GTF2B: variants seen among roughly 807,000 people sequenced by gnomAD.
GTF2B encodes general transcription factor IIB, also known as transcription initiation factor IIB.
In GTF2B, 20 loss-of-function variants were observed where a neutral mutation model predicts 34.6. That is an observed-to-expected ratio of 0.58 (90% CI 0.41 to 0.84). The LOEUF (loss-of-function observed/expected upper bound fraction) is 0.84, where lower values mean the gene tolerates loss of function less well. Ranked by LOEUF, GTF2B falls within the 40% of genes least tolerant of loss-of-function variation. The probability of loss-of-function intolerance (pLI) is 0.00; values close to 1 mark genes in which losing one functional copy is unlikely to be tolerated. For synonymous variants in GTF2B, 142 were observed against 132.4 expected (o/e 1.07, Z -0.50); for missense variants, 237 against 393.3 (o/e 0.60, Z 3.36).
chr1:88,879,473 A>G (rs888030862), intron 2 of GTF2B, among the ~76,000 whole-genome samples: 3 of 151,448 alleles, frequency 2.0e-5, no homozygotes, highest in African/African-American at 7.3e-5. Context: ...CCAGCTACTC[A>G]GGCAGGAGGC....
intron 3 of GTF2B, 89 bp from the exon 4 acceptor site, chr1:88,860,375 A>G: frequency 1.1e-6 from 1 of 883,120 alleles, no homozygotes; most frequent in Non-Finnish European, 1.8e-6. Context: ...ACAAGATCTG[A>G]TTCTACATAG....
chr1:88,867,339 T>C (rs377760572), intron 2 of GTF2B, among the ~76,000 whole-genome samples: 3 of 152,358 alleles, frequency 2.0e-5, no homozygotes, highest in South Asian at 2.1e-4. Context: ...TCATTAAATT[T>C]ATCATAAACA....
In GTF2B at chr1:88,853,127, A is replaced by T; in HGVS notation, c.*86T>A. On this transcript the variant is annotated 3_prime_UTR_variant, in exon 7 of 7. Coordinates refer to ENST00000370500, the MANE Select transcript of GTF2B (RefSeq NM_001514.6). ...CGTACCATGTCTTTTGTTTTTCCTCATGAAAGGCTCAACCCAGCATTTTGT... is the reference window on the plus strand; with the variant it reads ...CGTACCATGTCTTTTGTTTTTCCTCTTGAAAGGCTCAACCCAGCATTTTGT... 7.9e-7 allele frequency: 1 copy of T among 1,265,160 alleles called. No individual in the cohort carries two copies. Among genetic ancestry groups the T allele is most frequent in the Non-Finnish European group, 1.2e-6 (1 of 863,488 alleles). The allele number at this position is 1,265,160 out of a possible 1,614,324, so 78.4% of individuals were successfully genotyped here. A position where few individuals can be genotyped will look rare whatever the true frequency, so the allele number is the denominator to read the frequency against.
intron 1 of GTF2B, 136 bp downstream of exon 1, chr1:88,891,347 G>C (rs1674201509): frequency 3.2e-6 from 2 of 630,254 alleles, no homozygotes; most frequent in Admixed American, 6.0e-5. Flanking sequence ...CTTTGTCCCG[G>C]CCCGTCGGCC....
chr1:88,880,325 G>C (rs576945841), intron 2 of GTF2B, among the ~76,000 whole-genome samples: 7 of 152,140 alleles, frequency 4.6e-5, no homozygotes, highest in African/African-American at 7.2e-5. Context: ...TAGAATATTT[G>C]CCCACCTTGA....
At chr1:88,873,346 C>T (rs1673743714) in intron 2 of GTF2B, among the ~76,000 whole-genome samples, 2 of 151,904 alleles carry the variant, frequency 1.3e-5, no homozygotes, top group African/African-American at 4.8e-5. Flanking sequence ...CGCACCACCA[C>T]GCCAGGCTAA....
intron 2 of GTF2B, among the ~76,000 whole-genome samples, chr1:88,872,911 T>G (rs937143534): frequency 7.2e-5 from 11 of 152,234 alleles, no homozygotes; most frequent in African/African-American, 2.7e-4. Flanking sequence ...TTGGTTTCTG[T>G]AACTTTCTCT....
intron 3 of GTF2B, among the ~76,000 whole-genome samples, chr1:88,863,076 A>G (rs901221562): frequency 2.6e-5 from 4 of 152,204 alleles, no homozygotes; most frequent in Non-Finnish European, 5.9e-5. Context: ...CGGATAACAG[A>G]GTGAGAATCA....
chr1:88,878,872 C>A (rs116108590), intron 2 of GTF2B, among the ~76,000 whole-genome samples: 144 of 152,288 alleles, frequency 9.5e-4, no homozygotes, highest in African/African-American at 3.0e-3. Context: ...ATGACAGATC[C>A]ATGTGCGGAG....
chr1:88,875,803 C>T (rs1027932589), intron 2 of GTF2B, among the ~76,000 whole-genome samples: 6 of 152,286 alleles, frequency 3.9e-5, no homozygotes, highest in Middle Eastern at 6.8e-3. Context: ...TTACAGCATT[C>T]TCATCTTTCT....
intron 2 of GTF2B, among the ~76,000 whole-genome samples, chr1:88,871,408 A>C (rs1015546042): frequency 6.6e-6 from 1 of 152,208 alleles, no homozygotes; most frequent in Non-Finnish European, 1.5e-5. Flanking sequence ...TCCTTATTCA[A>C]GGTGACAGGA....
intron 2 of GTF2B, 111 bp from the exon 3 acceptor site, chr1:88,864,225 A>T: frequency 1.1e-6 from 1 of 880,850 alleles, no homozygotes; most frequent in South Asian, 1.5e-5. Flanking sequence ...CAACATGGAC[A>T]TCTAGGACCA....
chr1:88,853,312 T>A lies in GTF2B; in HGVS notation c.852A>T (p.Thr284=). Residue 284 remains threonine, a synonymous_variant, in exon 7 of 7, where the codon ACA becomes ACT. Coordinates refer to ENST00000370500, the MANE Select transcript of GTF2B (RefSeq NM_001514.6). ...IGDIAGVADV[T]IRQSYRLIYP... ...AGATCAGTCTATAGGACTGTCTGAT[T>A]GTAACATCAGCAACACCAGCAATAT... The A allele has an allele frequency of 6.2e-7, 1 of 1,612,078 alleles. No homozygotes were observed. Among genetic ancestry groups the A allele is most frequent in the South Asian group, 1.1e-5 (1 of 91,038 alleles).
chr1:88,864,768 T>A (rs774814313), intron 2 of GTF2B, among the ~76,000 whole-genome samples: 3 of 152,222 alleles, frequency 2.0e-5, no homozygotes, highest in Non-Finnish European at 4.4e-5. Context: ...GTGAGAAAGC[T>A]CAATGTCTGG....
chr1:88,877,249 C>T (rs1401512270), intron 2 of GTF2B, among the ~76,000 whole-genome samples: 3 of 152,170 alleles, frequency 2.0e-5, no homozygotes, highest in Non-Finnish European at 4.4e-5. Context: ...GTCAAATGGA[C>T]TCATTTCTCT....
intron 5 of GTF2B, chr1:88,858,543 TC>T (rs1673370046): frequency 1.3e-5 from 2 of 152,144 alleles, no homozygotes; most frequent in Admixed American, 1.3e-4. Flanking sequence ...ACCCTGCTAT[TC>T]CCAGATGCAA....
Position 88,868,329 on chromosome 1 carries a change from T to C in GTF2B, c.125-4215A>G, listed in dbSNP as rs143613716. On this transcript the variant is annotated intron_variant, in intron 2 of 6. Transcript: ENST00000370500. ...AGAGACACATATGAATTTCCACTAG[T>C]TTCCTTCTTAACCACACACTGTAGT... Among the ~76,000 whole-genome samples, 5 of 152,316 alleles carry C rather than the reference T, an allele frequency of 3.3e-5. No individual in the cohort carries two copies. The East Asian group carries it at 7.7e-4, about 23-fold the overall frequency.
intron 2 of GTF2B, among the ~76,000 whole-genome samples, chr1:88,876,279 T>C (rs541229099): frequency 6.6e-6 from 1 of 152,314 alleles, no homozygotes; most frequent in African/African-American, 2.4e-5. Context: ...GCATTAAATA[T>C]ACCAGACCCA....
chr1:88,854,559 A>C (rs1028956828), intron 6 of GTF2B, among the ~76,000 whole-genome samples: 1 of 152,116 alleles, frequency 6.6e-6, no homozygotes, highest in Non-Finnish European at 1.5e-5. Context: ...CTGGAGTGCA[A>C]TGGCAAGATC....
Sources: gnomAD v4.1 joint callset for allele counts (sites outside exome capture counted in the v4.1 genomes callset) on GRCh38, gnomAD v4.1.1 for gene constraint, MANE v1.5 for transcripts, NCBI Gene and HGNC (gene_info 2026-07-23, HGNC 2026-07-21) for gene names.